PDXK: variants seen among roughly 807,000 people sequenced by gnomAD.
PDXK encodes the protein epididymis secretory sperm binding protein Li 1a.
A neutral mutation model predicts 43.2 loss-of-function variants in PDXK; 15 were observed. The ratio of observed to expected loss-of-function variants is 0.35; its 90% CI spans 0.23 to 0.53. The LOEUF (loss-of-function observed/expected upper bound fraction) is 0.53. PDXK is among the 20% of genes least tolerant of loss of function. The pLI, the probability that PDXK is intolerant of heterozygous loss-of-function variation, is 0.92. For synonymous variants in PDXK, 172 were observed against 165.4 expected, an observed-to-expected ratio of 1.04 and a Z score of -0.31; for missense variants, 343 against 417.0, an observed-to-expected ratio of 0.82 and a Z score of 1.54.
chr21:43,741,485 T>G, intron 2 of PDXK, 182 bp from the exon 3 acceptor site: 1 of 1,311,480 alleles, frequency 7.6e-7, no homozygotes, highest in Admixed American at 4.0e-5. Flanking sequence ...AGGCGTCCCA[T>G]GTGGGCAGCC....
rs368845764 is a variant in PDXK, at chr21:43,741,616, C to T, written c.143-51C>T. The T allele has an allele frequency of 6.5e-5, 104 of 1,590,392 alleles. No homozygotes were observed. In the African/African-American group the frequency reaches 1.2e-3, roughly 19 times the overall value. ...GGCGGGTGTCAAGGGAAGCCCACGG[C>T]CCCAGCTGGCCCCCTTGTGTCTGAG... On this transcript the variant is annotated intron_variant, in intron 2 of 10. Transcript: ENST00000291565.
In PDXK at chr21:43,728,846, ACTTCCG is replaced by A. The variant is rs1238587084; in HGVS notation, c.88-5220_88-5215del. The A allele has an allele frequency of 1.1e-5, 11 of 985,540 alleles. No individual in the cohort carries two copies. In the African/African-American group the frequency reaches 1.9e-4, roughly 17 times the overall value. The allele number at this position is 985,540 out of a possible 1,614,324, so 61.0% of individuals were successfully genotyped here. ...CCGGATGACTGATGAGGTTGAAAGC[ACTTCCG>A]CTGCGGCCCCCGCAGGAAGTTCCCA... On this transcript the variant is annotated intron_variant, in intron 1 of 10. Transcript: ENST00000291565.
rs1352331596 is a variant in PDXK at position 43,759,447 on chromosome 21, G to A, written c.*3384G>A. The A allele has an allele frequency of 6.5e-6, 1 of 153,954 alleles. No individual in the cohort carries two copies. The highest frequency in any genetic ancestry group is 1.5e-5 in the Non-Finnish European group (1 of 68,182). The allele number at this position is 153,954 out of a possible 1,614,324, so 9.5% of individuals were successfully genotyped here. A position where few individuals can be genotyped will look rare whatever the true frequency, so the allele number is the denominator to read the frequency against. ...TTCCTGCCCTCCGATGGGGCCACCT[G>A]TGTCGGGGCAGCAGTGTCCATGTTT... On this transcript the variant is annotated 3_prime_UTR_variant, in exon 11 of 11. Transcript: ENST00000291565.
chr21:43,757,276 C>G lies in PDXK; in HGVS notation c.*1213C>G, dbSNP rs1002867457. On this transcript the variant is annotated 3_prime_UTR_variant, in exon 11 of 11. Transcript: ENST00000291565. ...GGGTCCCCCCAGGTATAGCTATAGG[C>G]GGCAGTGCCTGTCCCTGGCCTGCCT... The G allele has an allele frequency of 6.6e-6, 1 of 152,658 alleles. No homozygotes were observed. The highest frequency in any genetic ancestry group is 1.5e-5 in the Non-Finnish European group (1 of 68,384). 9.5% of individuals were successfully genotyped at this position (152,658 alleles called of 1,614,324 possible).
At chr21:43,730,590 A>G (rs927682430) in intron 1 of PDXK, among the ~76,000 whole-genome samples, 1 of 152,228 alleles carries the variant, frequency 6.6e-6, no homozygotes, top group East Asian at 1.9e-4. Context: ...TGAGTAGACA[A>G]CAGATAGTGT....
Position 43,752,369 on chromosome 21 carries a change from T to C in PDXK, c.511-149T>C, listed in dbSNP as rs183099726. ...TGTCTTCCCTCCGGGAGTGCCGCCA[T>C]TGGGAACGGGCTCTGGGGGAGTGGG... is the stretch of plus-strand genomic sequence containing the variant. On this transcript the variant is annotated intron_variant, in intron 7 of 10. Coordinates refer to ENST00000291565, the MANE Select transcript of PDXK (RefSeq NM_003681.5). 330 of 613,398 alleles carry C rather than the reference T, an allele frequency of 5.4e-4. 2 individuals carry two copies. In the African/African-American group the frequency reaches 5.7e-3, roughly 11 times the overall value. 38.0% of individuals were successfully genotyped at this position (613,398 alleles called of 1,614,324 possible). A position where few individuals can be genotyped will look rare whatever the true frequency, so the allele number is the denominator to read the frequency against.
At chr21:43,750,581 G>C in intron 7 of PDXK, 36 bp downstream of exon 7, 1 of 1,573,212 alleles carries the variant, frequency 6.4e-7, no homozygotes, top group Non-Finnish European at 8.7e-7. Context: ...CGGGGCACAT[G>C]TGCCGCTCAC....
At chr21:43,725,629 G>A (rs1213923099) in intron 1 of PDXK, among the ~76,000 whole-genome samples, 1 of 152,022 alleles carries the variant, frequency 6.6e-6, no homozygotes, top group Non-Finnish European at 1.5e-5. Context: ...GGCCAACATG[G>A]TGAAGCTCCA....
intron 1 of PDXK, chr21:43,721,809 C>G (rs1013918112): frequency 2.6e-5 from 4 of 152,386 alleles, no homozygotes; most frequent in African/African-American, 9.6e-5. Flanking sequence ...TTCTCCCCAG[C>G]TGTTTTCTGC....
chr21:43,753,188 AC>A (rs1243233874), intron 8 of PDXK, among the ~76,000 whole-genome samples: 3 of 152,026 alleles, frequency 2.0e-5, no homozygotes, highest in East Asian at 1.9e-4. Context: ...ATGCACACAT[AC>A]ACACGGGCAC....
intron 7 of PDXK, among the ~76,000 whole-genome samples, chr21:43,751,431 C>T (rs141804125): frequency 8.5e-5 from 13 of 152,304 alleles, no homozygotes; most frequent in African/African-American, 2.6e-4. Flanking sequence ...CGCCTATAAT[C>T]CCGGCTAGTT....
At chr21:43,730,066 A>C (rs1042068377) in intron 1 of PDXK, among the ~76,000 whole-genome samples, 1 of 152,138 alleles carries the variant, frequency 6.6e-6, no homozygotes, top group Admixed American at 6.5e-5. Flanking sequence ...GTGGACCGTC[A>C]CAGCAGGTAT....
In PDXK at chr21:43,737,635, G is replaced by A. The variant is rs2083427090; in HGVS notation, c.142+3512G>A. The A allele has an allele frequency of 2.0e-6, 2 of 988,312 alleles. No homozygotes were observed. Among genetic ancestry groups the A allele is most frequent in the Non-Finnish European group, 2.4e-6 (2 of 831,460 alleles). The allele number at this position is 988,312 out of a possible 1,614,324, so 61.2% of individuals were successfully genotyped here. A position where few individuals can be genotyped will look rare whatever the true frequency, so the allele number is the denominator to read the frequency against. On this transcript the variant is annotated intron_variant, in intron 2 of 10. Coordinates refer to ENST00000291565, the MANE Select transcript of PDXK (RefSeq NM_003681.5). This position sits in a 1 kb window ranked among gnomAD's most constrained non-coding sequence, Gnocchi z 4.8. Reference sequence around the variant, plus strand: ...GCTGCAGGGAAGGGGCAGCTGGTGTGAACACAAGGAGCTGCGGGGCTGGAG... The same window carrying A: ...GCTGCAGGGAAGGGGCAGCTGGTGTAAACACAAGGAGCTGCGGGGCTGGAG...
chr21:43,756,173 T>C lies in PDXK; in HGVS notation c.*110T>C, dbSNP rs1490798134. 1.5e-6 allele frequency: 1 copy of C among 647,522 alleles called. No homozygotes were observed. Among genetic ancestry groups the C allele is most frequent in the African/African-American group, 1.8e-5 (1 of 55,138 alleles). 40.1% of individuals were successfully genotyped at this position (647,522 alleles called of 1,614,324 possible). A position where few individuals can be genotyped will look rare whatever the true frequency, so the allele number is the denominator to read the frequency against. The stretch of plus-strand genomic sequence containing the variant: ...CCATGACCGAAACTTGATATTTTTT[T>C]CTTTCATGAGTGTCCGGCATCTGCT... On this transcript the variant is annotated 3_prime_UTR_variant, in exon 11 of 11. Coordinates refer to ENST00000291565, the MANE Select transcript of PDXK (RefSeq NM_003681.5).
At position 43,737,915 on chromosome 21, in the gene PDXK, G is replaced by A; in HGVS notation, c.143-3752G>A. On this transcript the variant is annotated intron_variant, in intron 2 of 10. Transcript: ENST00000291565. This position sits in a 1 kb window ranked among gnomAD's most constrained non-coding sequence, Gnocchi z 4.8. ...TGGAGAAGGTTCTTGTGGGCTCTGG[G>A]CCCATCCCACATCCCACAGTGGGCA... is the stretch of plus-strand genomic sequence containing the variant. The A allele has an allele frequency of 1.0e-6, 1 of 985,512 alleles. No homozygotes were observed. The highest frequency in any genetic ancestry group is 1.2e-6 in the Non-Finnish European group (1 of 829,972). The allele number at this position is 985,512 out of a possible 1,614,324, so 61.0% of individuals were successfully genotyped here.
intron 9 of PDXK, 148 bp downstream of exon 9, chr21:43,753,867 A>G (rs986720724): frequency 2.4e-5 from 20 of 844,844 alleles, no homozygotes; most frequent in Non-Finnish European, 2.8e-5. Context: ...GGCAGTGGCC[A>G]GGCCATGACA....
chr21:43,749,559 A>C (rs892936221), intron 6 of PDXK, among the ~76,000 whole-genome samples: 3 of 152,256 alleles, frequency 2.0e-5, no homozygotes, highest in African/African-American at 7.2e-5. Context: ...GTGCCCCTTG[A>C]TACTGGAGCA....
chr21:43,731,486 A>G (rs2083317178), intron 1 of PDXK, among the ~76,000 whole-genome samples: 1 of 152,246 alleles, frequency 6.6e-6, no homozygotes, highest in African/African-American at 2.4e-5. Flanking sequence ...TTATAGGGAC[A>G]GGGTTTACTG....
At chr21:43,749,690 C>G (rs2083700628) in intron 6 of PDXK, among the ~76,000 whole-genome samples, 1 of 152,090 alleles carries the variant, frequency 6.6e-6, no homozygotes, top group Admixed American at 6.5e-5. Flanking sequence ...CCTGTGCCTT[C>G]CTGAGCGGCA....
Sources: allele counts gnomAD v4.1 joint callset (sites outside exome capture counted in the v4.1 genomes callset), GRCh38; gene constraint gnomAD v4.1.1; non-coding constraint Gnocchi (gnomAD v3.1); transcripts MANE v1.5; gene names NCBI Gene and HGNC (gene_info 2026-07-23, HGNC 2026-07-21).